Variants in NUDCD1 observed in about 807,000 individuals in gnomAD.
The protein encoded by NUDCD1 is nudC domain-containing protein 1.
Under a neutral mutation model 67.8 loss-of-function variants are expected in NUDCD1, and 60 were observed. That is an observed-to-expected ratio of 0.88 (90% CI 0.72 to 1.10). The LOEUF (loss-of-function observed/expected upper bound fraction) is 1.10. Ranked by LOEUF, NUDCD1 falls within the 50% of genes least tolerant of loss-of-function variation. The pLI, the probability that NUDCD1 is intolerant of heterozygous loss-of-function variation, is 0.00. For missense variants in NUDCD1, 643 were observed against 695.0 expected (o/e 0.93, Z 0.84); for synonymous variants, 244 against 230.8 (o/e 1.06, Z -0.52).
intron 6 of NUDCD1, among the ~76,000 whole-genome samples, chr8:109,280,445 C>A (rs1814406302): frequency 6.6e-6 from 1 of 152,172 alleles, no homozygotes; most frequent in African/African-American, 2.4e-5. Flanking sequence ...CTGCAGCTAG[C>A]CGCCAAAAGT....
chr8:109,327,698 G>A (rs1043204755), intron 1 of NUDCD1, among the ~76,000 whole-genome samples: 1 of 152,138 alleles, frequency 6.6e-6, no homozygotes, highest in Non-Finnish European at 1.5e-5. Context: ...CCCATTCAAG[G>A]CTAATTCCCA....
intron 3 of NUDCD1, among the ~76,000 whole-genome samples, chr8:109,294,719 T>C (rs1814800870): frequency 6.6e-6 from 1 of 152,142 alleles, no homozygotes; most frequent in African/African-American, 2.4e-5. Flanking sequence ...ATACCGTTGA[T>C]ACATGGCACT....
chr8:109,253,663 T>C (rs1196847651), intron 8 of NUDCD1, among the ~76,000 whole-genome samples: 1 of 152,222 alleles, frequency 6.6e-6, no homozygotes, highest in Non-Finnish European at 1.5e-5. Flanking sequence ...TCCAAAACGA[T>C]TGTACTTCCA....
intron 1 of NUDCD1, among the ~76,000 whole-genome samples, chr8:109,326,001 A>G (rs1405281764): frequency 2.0e-5 from 3 of 152,362 alleles, no homozygotes; most frequent in South Asian, 4.1e-4. Flanking sequence ...ACAGTTAGAA[A>G]TATGTATTCT....
At chr8:109,308,412 C>A (rs1815161732) in intron 2 of NUDCD1, among the ~76,000 whole-genome samples, 1 of 152,006 alleles carries the variant, frequency 6.6e-6, no homozygotes, top group Non-Finnish European at 1.5e-5. Context: ...GGTCACACCT[C>A]AAGGAACTAG....
At chr8:109,277,947 T>C (rs1301893239) in intron 6 of NUDCD1, among the ~76,000 whole-genome samples, 1 of 152,234 alleles carries the variant, frequency 6.6e-6, no homozygotes, top group Non-Finnish European at 1.5e-5. Flanking sequence ...CCAAATGTCT[T>C]CATTAATAAA....
At chr8:109,283,890 C>T (rs895066375) in intron 5 of NUDCD1, among the ~76,000 whole-genome samples, 1 of 150,662 alleles carries the variant, frequency 6.6e-6, no homozygotes, top group African/African-American at 2.5e-5. Flanking sequence ...CAATCAGTAA[C>T]AACTTCATGA....
chr8:109,318,028 A>C (rs1323237554), intron 2 of NUDCD1, among the ~76,000 whole-genome samples: 3 of 152,196 alleles, frequency 2.0e-5, no homozygotes, highest in Admixed American at 2.0e-4. Flanking sequence ...GTTAAAAATA[A>C]TGGTAAAACA....
At chr8:109,324,203 C>CA (rs969505000) in intron 1 of NUDCD1, among the ~76,000 whole-genome samples, 3,782 of 119,174 alleles carry the variant, frequency 0.032, 158 homozygotes, top group African/African-American at 0.11. Context: ...GCTGTTGAAG[C>CA]AAAAAAAAAA....
At chr8:109,307,194 T>A (rs138462618) in intron 2 of NUDCD1, among the ~76,000 whole-genome samples, 2 of 152,230 alleles carry the variant, frequency 1.3e-5, no homozygotes, top group African/African-American at 4.8e-5. Flanking sequence ...CCCTAACTGA[T>A]AGGATATATT....
intron 2 of NUDCD1, among the ~76,000 whole-genome samples, chr8:109,309,567 C>T (rs1402697168): frequency 6.6e-6 from 1 of 152,182 alleles, no homozygotes; most frequent in Non-Finnish European, 1.5e-5. Context: ...AGCATGCCCA[C>T]TCTTACTACT....
chr8:109,299,819 C>T (rs1814938396), intron 2 of NUDCD1, among the ~76,000 whole-genome samples: 1 of 152,178 alleles, frequency 6.6e-6, no homozygotes, highest in Admixed American at 6.5e-5. Flanking sequence ...CGCATTAAAT[C>T]ACCAAAGCTA....
intron 3 of NUDCD1, among the ~76,000 whole-genome samples, chr8:109,293,912 T>C (rs1814773372): frequency 6.6e-6 from 1 of 152,052 alleles, no homozygotes; most frequent in South Asian, 2.1e-4. Context: ...AAAACATGTT[T>C]TTTCTCAAAA....
chr8:109,280,553 T>C (rs375561107), intron 6 of NUDCD1, among the ~76,000 whole-genome samples: 1 of 152,196 alleles, frequency 6.6e-6, no homozygotes, highest in Non-Finnish European at 1.5e-5. Flanking sequence ...GGGTGACCCA[T>C]AGGCTTGTGT....
chr8:109,296,268 TCAAACAAAC>T lies in NUDCD1; in HGVS notation c.459+107_459+115del, dbSNP rs1814839075. The T allele has an allele frequency of 3.6e-5, 29 of 816,042 alleles. No individual in the cohort carries two copies. The South Asian group carries it at 4.4e-4, about 12-fold the overall frequency. 50.6% of individuals were successfully genotyped at this position (816,042 alleles called of 1,614,324 possible). A position where few individuals can be genotyped will look rare whatever the true frequency, so the allele number is the denominator to read the frequency against. On this transcript the variant is annotated intron_variant, in intron 3 of 9. Coordinates refer to ENST00000239690, the MANE Select transcript of NUDCD1 (RefSeq NM_032869.4). ...AAAAAGAGATCCAAAACATTATATA[TCAAACAAAC>T]AACAGATCACATGTAAACCATCCTT...
rs573874441 is a variant in NUDCD1, at chr8:109,259,975, G to A, written c.1299+11030C>T. On this transcript the variant is annotated intron_variant, in intron 8 of 9. Transcript: ENST00000239690. ...CCTCAAAGAGTCACACAGAAGATTA[G>A]GACACAATAAAAATATCAAAAAACA... Among the ~76,000 whole-genome samples the A allele has an allele frequency of 2.0e-5, 3 of 152,064 alleles. No individual in the cohort carries two copies. In the East Asian group the frequency reaches 5.8e-4, roughly 29 times the overall value.
chr8:109,273,434 T>C (rs1172912623), intron 7 of NUDCD1, among the ~76,000 whole-genome samples: 1 of 152,106 alleles, frequency 6.6e-6, no homozygotes, highest in Non-Finnish European at 1.5e-5. Context: ...CTTAGAAGGA[T>C]ATGTACAACA....
chr8:109,306,307 A>G (rs1413518847), intron 2 of NUDCD1, among the ~76,000 whole-genome samples: 1 of 151,512 alleles, frequency 6.6e-6, no homozygotes, highest in Non-Finnish European at 1.5e-5. Context: ...TTACTTTTAT[A>G]CTCACTCTTA....
At chr8:109,317,093 A>C (rs1400127080) in intron 2 of NUDCD1, among the ~76,000 whole-genome samples, 3 of 152,218 alleles carry the variant, frequency 2.0e-5, no homozygotes, top group Admixed American at 2.0e-4. Flanking sequence ...ATATTTGGAA[A>C]CCTAAGAGGA....
Sources: allele counts gnomAD v4.1 joint callset (sites outside exome capture counted in the v4.1 genomes callset), GRCh38; gene constraint gnomAD v4.1.1; transcripts MANE v1.5; gene names NCBI Gene and HGNC (gene_info 2026-07-23, HGNC 2026-07-21).